Variants in LYN observed in about 807,000 individuals in gnomAD.
LYN encodes tyrosine-protein kinase Lyn.
Under a neutral mutation model 65.0 loss-of-function variants are expected in LYN, and 12 were observed. The observed-to-expected ratio is 0.18, with a 90% confidence interval of 0.12 to 0.30. The LOEUF is 0.30. Ranked by LOEUF, LYN falls within the 10% of genes least tolerant of loss-of-function variation. LYN has a pLI of 1.00. For synonymous variants in LYN, 222 were observed against 221.2 expected, an observed-to-expected ratio of 1.00 and a Z score of -0.03; for missense variants, 380 against 623.2, an observed-to-expected ratio of 0.61 and a Z score of 4.16.
intron 9 of LYN, among the ~76,000 whole-genome samples, chr8:55,968,582 C>G (rs1201816834): frequency 6.6e-6 from 1 of 152,172 alleles, no homozygotes; most frequent in African/African-American, 2.4e-5. Context: ...TTATTGAGCA[C>G]TTACTATATG....
At chr8:55,997,103 A>G (rs1808392692) in intron 10 of LYN, among the ~76,000 whole-genome samples, 1 of 151,250 alleles carries the variant, frequency 6.6e-6, no homozygotes, top group Non-Finnish European at 1.5e-5. Flanking sequence ...GGGAGGTTGC[A>G]GTGAGCTGAG....
chr8:55,976,950 C>G (rs964545227), intron 10 of LYN, among the ~76,000 whole-genome samples: 3 of 151,902 alleles, frequency 2.0e-5, no homozygotes, highest in African/African-American at 4.8e-5. Flanking sequence ...TTTGGGAGGC[C>G]GAGGTGGGTG....
At chr8:55,887,014 G>C (rs757363979) in intron 1 of LYN, among the ~76,000 whole-genome samples, 1 of 152,130 alleles carries the variant, frequency 6.6e-6, no homozygotes, top group South Asian at 2.1e-4. Context: ...CCCTTCCAAC[G>C]TACAGAGATG....
intron 1 of LYN, among the ~76,000 whole-genome samples, chr8:55,912,141 A>G (rs1469558102): frequency 1.3e-5 from 2 of 152,248 alleles, no homozygotes; most frequent in African/African-American, 2.4e-5. Flanking sequence ...GACTGCTGCA[A>G]GAAAAGAAAT....
chr8:55,961,881 C>T (rs988464041), intron 8 of LYN, among the ~76,000 whole-genome samples: 1 of 152,166 alleles, frequency 6.6e-6, no homozygotes, highest in Non-Finnish European at 1.5e-5. Context: ...CATCCCCTCC[C>T]ACCCACACCC....
intron 10 of LYN, among the ~76,000 whole-genome samples, chr8:55,991,301 G>A (rs1179938497): frequency 2.0e-5 from 3 of 152,192 alleles, no homozygotes; most frequent in African/African-American, 7.2e-5. Context: ...AGAACGTTGG[G>A]TAAGACCTTA....
Position 56,010,757 on chromosome 8 carries a change from A to C in LYN, c.*647A>C, listed in dbSNP as rs543192499. Reference sequence around the variant, plus strand: ...GACATGCCATAGGAGTGGCGTGCACATCTCTCTCTCTTCCAGCAGGAGGAG... The same window carrying C: ...GACATGCCATAGGAGTGGCGTGCACCTCTCTCTCTCTTCCAGCAGGAGGAG... On this transcript the variant is annotated 3_prime_UTR_variant, in exon 13 of 13. Transcript: ENST00000519728. The C allele has an allele frequency of 4.4e-6, 1 of 229,762 alleles. No individual in the cohort carries two copies. Among genetic ancestry groups the C allele is most frequent in the African/African-American group, 2.2e-5 (1 of 45,066 alleles). 14.2% of individuals were successfully genotyped at this position (229,762 alleles called of 1,614,324 possible).
chr8:55,905,522 C>G (rs958027504), intron 1 of LYN, among the ~76,000 whole-genome samples: 1 of 152,180 alleles, frequency 6.6e-6, no homozygotes, highest in African/African-American at 2.4e-5. Flanking sequence ...TGTCAGATGT[C>G]CTGGAGTGCT....
At chr8:55,955,320 A>C (rs1807075384) in intron 8 of LYN, 2 of 152,214 alleles carry the variant, frequency 1.3e-5, no homozygotes, top group Non-Finnish European at 2.9e-5. Context: ...ATATTTGCAG[A>C]ATTCAGGTAA....
chr8:55,936,315 A>G (rs577620396), intron 1 of LYN, among the ~76,000 whole-genome samples: 44 of 152,298 alleles, frequency 2.9e-4, no homozygotes, highest in African/African-American at 9.9e-4. Context: ...TCCTCCACAG[A>G]AAGGCAGCAA....
At chr8:55,911,291 T>A (rs368029172) in intron 1 of LYN, among the ~76,000 whole-genome samples, 6 of 93,882 alleles carry the variant, frequency 6.4e-5, no homozygotes, top group Non-Finnish European at 1.1e-4. Context: ...ATATATTTTT[T>A]TTTTTTTTTT....
chr8:55,945,802 G>A (rs1419591110), intron 2 of LYN, among the ~76,000 whole-genome samples: 1 of 152,190 alleles, frequency 6.6e-6, no homozygotes, highest in East Asian at 1.9e-4. Flanking sequence ...AGAAAACCTG[G>A]ATGGGATGGG....
At chr8:55,900,539 ATTTTTT>A (rs5891598) in intron 1 of LYN, among the ~76,000 whole-genome samples, 2 of 126,440 alleles carry the variant, frequency 1.6e-5, no homozygotes, top group Non-Finnish European at 3.3e-5. Context: ...TGCCCAGCTA[ATTTTTT>A]TTTTTTTTTT....
chr8:55,880,777 T>C (rs1056212253), intron 1 of LYN, among the ~76,000 whole-genome samples: 2 of 152,240 alleles, frequency 1.3e-5, no homozygotes, highest in Non-Finnish European at 2.9e-5. Context: ...AGAGTTATTT[T>C]AAGAATTCAG....
At chr8:56,001,116 G>T (rs1287217686) in intron 12 of LYN, among the ~76,000 whole-genome samples, 2 of 152,136 alleles carry the variant, frequency 1.3e-5, no homozygotes, top group African/African-American at 2.4e-5. Flanking sequence ...ACTCACAGAG[G>T]GAGGGAGTCT....
intron 10 of LYN, among the ~76,000 whole-genome samples, chr8:55,976,326 CAAAAA>C (rs35717306): frequency 1.2e-5 from 1 of 85,668 alleles, no homozygotes. Flanking sequence ...GACTCCATCT[CAAAAA>C]AAAAAAAAAA....
intron 8 of LYN, among the ~76,000 whole-genome samples, chr8:55,955,689 C>T (rs1485902291): frequency 6.6e-6 from 1 of 152,178 alleles, no homozygotes; most frequent in Admixed American, 6.5e-5. Flanking sequence ...CTTCATTCGC[C>T]CCACCCTCAG....
intron 1 of LYN, chr8:55,893,556 G>A (rs1805011565): frequency 6.6e-6 from 1 of 152,158 alleles, no homozygotes; most frequent in Non-Finnish European, 1.5e-5. Flanking sequence ...TTTGTTGGGG[G>A]TGACAGAGAG....
chr8:55,886,977 A>G (rs563222139), intron 1 of LYN, among the ~76,000 whole-genome samples: 6 of 152,340 alleles, frequency 3.9e-5, no homozygotes, highest in Admixed American at 3.3e-4. Context: ...GTATATTTGT[A>G]TCCATTAATC....
Sources: gnomAD v4.1 joint callset for allele counts (sites outside exome capture counted in the v4.1 genomes callset) on GRCh38, gnomAD v4.1.1 for gene constraint, MANE v1.5 for transcripts, NCBI Gene and HGNC (gene_info 2026-07-23, HGNC 2026-07-21) for gene names.